ANXA8: variants seen among roughly 807,000 people sequenced by gnomAD.
The protein encoded by ANXA8 is VAC-beta.
ANXA8 carries 9 observed loss-of-function variants against 26.8 expected under a neutral mutation model. That is an observed-to-expected ratio of 0.34 (90% confidence interval 0.20 to 0.59). The LOEUF (loss-of-function observed/expected upper bound fraction) is 0.59. ANXA8 is among the 20% of genes least tolerant of loss of function. The pLI, the probability that ANXA8 is intolerant of heterozygous loss-of-function variation, is 0.84. For missense variants in ANXA8, 83 were observed against 238.5 expected, an observed-to-expected ratio of 0.35 and a Z score of 4.29; for synonymous variants, 39 against 94.8, an observed-to-expected ratio of 0.41 and a Z score of 3.42.
At chr10:47,735,787 A>G in the ANXA8 span, among the ~76,000 whole-genome samples, 4 of 151,426 alleles carry the variant, frequency 2.6e-5, no homozygotes, top group Non-Finnish European at 5.9e-5. Flanking sequence ...GACTACAGGC[A>G]TATGCCTCCA....
At chr10:47,605,921 T>C in the ANXA8 span, among the ~76,000 whole-genome samples, 3 of 112,154 alleles carry the variant, frequency 2.7e-5, 1 homozygote, top group Non-Finnish European at 5.5e-5. Flanking sequence ...AATGACTTAC[T>C]AGTTTTAAAA....
chr10:47,481,968 T>C (rs1420909667), intron 1 of ANXA8, among the ~76,000 whole-genome samples: 1 of 143,542 alleles, frequency 7.0e-6, no homozygotes, highest in East Asian at 2.8e-4. Context: ...CTGCCACGCC[T>C]TGGCCTTCCC....
At chr10:47,510,846 AAAG>A in the ANXA8 span, among the ~76,000 whole-genome samples, 3 of 125,860 alleles carry the variant, frequency 2.4e-5, no homozygotes, top group African/African-American at 9.2e-5. Context: ...AAAAAAAAAA[AAAG>A]AAAGAAAAGT....
the ANXA8 span, among the ~76,000 whole-genome samples, chr10:47,518,346 CTAATA>C: frequency 2.0e-5 from 1 of 49,222 alleles, no homozygotes; most frequent in Non-Finnish European, 3.4e-5. Flanking sequence ...TGGTTATCTA[CTAATA>C]TGTCACTAAA....
At chr10:47,585,536 G>C in the ANXA8 span, among the ~76,000 whole-genome samples, 2 of 143,950 alleles carry the variant, frequency 1.4e-5, no homozygotes, top group Non-Finnish European at 3.0e-5. Context: ...CTGCAGGTCT[G>C]ATTTGAGGAC....
At chr10:47,989,741 T>C in the ANXA8 span, among the ~76,000 whole-genome samples, 1 of 94,934 alleles carries the variant, frequency 1.1e-5, no homozygotes, top group Non-Finnish European at 2.6e-5. Context: ...CGCCTTGGCC[T>C]TCCCCTGCTA....
the ANXA8 span, among the ~76,000 whole-genome samples, chr10:47,595,458 T>A: frequency 6.7e-6 from 1 of 148,854 alleles, no homozygotes. Context: ...TTAAAAGACA[T>A]ACAGTGGCGA....
chr10:47,576,618 G>A, the ANXA8 span, among the ~76,000 whole-genome samples: 1 of 151,450 alleles, frequency 6.6e-6, no homozygotes, highest in Admixed American at 6.6e-5. Context: ...ACCAGCTATA[G>A]TCAGCCTCCC....
chr10:47,761,056 G>A, the ANXA8 span: 1 of 605,516 alleles, frequency 1.7e-6, no homozygotes, highest in Non-Finnish European at 2.9e-6. Context: ...GAGGAGGCCA[G>A]GGCACCATTT....
the ANXA8 span, among the ~76,000 whole-genome samples, chr10:47,529,872 TG>T: frequency 1.5e-5 from 2 of 134,504 alleles, no homozygotes; most frequent in African/African-American, 5.5e-5. Context: ...TTGTCTTTGC[TG>T]GTTTTATGAT....
the ANXA8 span, among the ~76,000 whole-genome samples, chr10:47,921,456 T>C: frequency 6.6e-6 from 1 of 152,034 alleles, no homozygotes; most frequent in Non-Finnish European, 1.5e-5. Context: ...ATTCTACCCA[T>C]GTTCCCTGAA....
chr10:47,649,753 G>A, the ANXA8 span, among the ~76,000 whole-genome samples: 1 of 141,990 alleles, frequency 7.0e-6, no homozygotes, highest in Non-Finnish European at 1.5e-5. Context: ...TTTTGAGACA[G>A]GGTCTCATCA....
chr10:47,654,130 A>G, the ANXA8 span, among the ~76,000 whole-genome samples: 1 of 151,664 alleles, frequency 6.6e-6, no homozygotes, highest in Non-Finnish European at 1.5e-5. Context: ...TTTTAACATC[A>G]TGAGGTAGTG....
chr10:47,735,286 G>A, the ANXA8 span, among the ~76,000 whole-genome samples: 1 of 143,312 alleles, frequency 7.0e-6, no homozygotes, highest in African/African-American at 2.6e-5. Flanking sequence ...GTAGAGACAG[G>A]GTCTCCCTAC....
upstream of ANXA8, among the ~76,000 whole-genome samples, chr10:47,487,866 A>G (rs1412176561): frequency 0.17 from 24,139 of 143,686 alleles, 2,612 homozygotes; most frequent in East Asian, 0.49. Flanking sequence ...TCATAGTTCT[A>G]AAGATTCTCC....
chr10:47,717,765 A>T, the ANXA8 span, among the ~76,000 whole-genome samples: 12 of 150,620 alleles, frequency 8.0e-5, no homozygotes, highest in African/African-American at 2.9e-4. Context: ...TGGGAGGCCG[A>T]GGTGGGTGGA....
chr10:47,501,127 C>T, the ANXA8 span, among the ~76,000 whole-genome samples: 2 of 142,118 alleles, frequency 1.4e-5, no homozygotes, highest in Admixed American at 1.4e-4. Flanking sequence ...TGGTCTTGAT[C>T]TCCTGACCTC....
chr10:47,679,428 C>T, the ANXA8 span, among the ~76,000 whole-genome samples: 1 of 152,110 alleles, frequency 6.6e-6, no homozygotes, highest in South Asian at 2.1e-4. Context: ...AGTGATACCC[C>T]TATGTCTACA....
At chr10:47,496,665 G>A in the ANXA8 span, among the ~76,000 whole-genome samples, 2 of 143,700 alleles carry the variant, frequency 1.4e-5, 1 homozygote, top group African/African-American at 5.1e-5. Flanking sequence ...TTGTAGGACT[G>A]CAATAACAGT....
Sources: allele counts gnomAD v4.1 joint callset (sites outside exome capture counted in the v4.1 genomes callset), GRCh38; gene constraint gnomAD v4.1.1; transcripts MANE v1.5; gene names NCBI Gene and HGNC (gene_info 2026-07-23, HGNC 2026-07-21).